GABRG2: variants seen among roughly 807,000 people sequenced by gnomAD.
GABRG2 encodes gamma-aminobutyric acid receptor subunit gamma-2.
A neutral mutation model predicts 56.4 loss-of-function variants in GABRG2; 16 were observed. The ratio of observed to expected loss-of-function variants is 0.28; its 90% CI spans 0.19 to 0.43. The LOEUF is 0.43. Ranked by LOEUF, GABRG2 falls within the 20% of genes least tolerant of loss-of-function variation. The pLI is 1.00. For synonymous variants in GABRG2, 208 were observed against 205.5 expected, an observed-to-expected ratio of 1.01 and a Z score of -0.10; for missense variants, 327 against 582.7, an observed-to-expected ratio of 0.56 and a Z score of 4.52.
intron 1 of GABRG2, among the ~76,000 whole-genome samples, chr5:162,076,037 A>G: frequency 6.6e-6 from 1 of 151,750 alleles, no homozygotes; most frequent in Admixed American, 6.6e-5. Flanking sequence ...CTGTGGTCCT[A>G]GCTTCTTGGG....
At chr5:162,117,969 GAACTGTA>G (rs1274216584) in intron 6 of GABRG2, among the ~76,000 whole-genome samples, 2 of 152,058 alleles carry the variant, frequency 1.3e-5, no homozygotes, top group Admixed American at 6.6e-5. Context: ...CGCTTCACTA[GAACTGTA>G]AACTTGCGAC....
chr5:162,145,952 C>T (rs1236175687), intron 7 of GABRG2, among the ~76,000 whole-genome samples: 5 of 151,116 alleles, frequency 3.3e-5, no homozygotes, highest in African/African-American at 7.4e-5. Flanking sequence ...AGAAATAGAA[C>T]TTTCTTTTCT....
chr5:162,075,201 G>A (rs996732924), intron 1 of GABRG2, among the ~76,000 whole-genome samples: 7 of 152,114 alleles, frequency 4.6e-5, no homozygotes, highest in African/African-American at 1.7e-4. Flanking sequence ...AGAATATGAT[G>A]TTTGTCATCT....
chr5:162,069,250 C>T (rs1655817251), intron 1 of GABRG2, among the ~76,000 whole-genome samples: 1 of 152,160 alleles, frequency 6.6e-6, no homozygotes, highest in African/African-American at 2.4e-5. Flanking sequence ...GTTAGAGGTC[C>T]ACTATTTACA....
chr5:162,127,743 A>C (rs1478898685), intron 6 of GABRG2, among the ~76,000 whole-genome samples: 2 of 152,036 alleles, frequency 1.3e-5, no homozygotes, highest in Admixed American at 1.3e-4. Context: ...GACAACTAGT[A>C]TATTATGCTT....
chr5:162,070,437 A>T (rs866914301), intron 1 of GABRG2, among the ~76,000 whole-genome samples: 2 of 152,048 alleles, frequency 1.3e-5, no homozygotes, highest in Non-Finnish European at 2.9e-5. Context: ...AATAACTGGG[A>T]AATATTTGAG....
At chr5:162,098,179 T>G (rs904392196) in intron 4 of GABRG2, 68 of 323,638 alleles carry the variant, frequency 2.1e-4, no homozygotes, top group African/African-American at 1.4e-3. Flanking sequence ...TGCACTCTTA[T>G]GCTTGGCAAT....
At chr5:162,087,923 C>A (rs1296511120) in intron 1 of GABRG2, among the ~76,000 whole-genome samples, 5 of 151,732 alleles carry the variant, frequency 3.3e-5, no homozygotes, top group Admixed American at 6.6e-5. Flanking sequence ...AGCCTAATAT[C>A]AAAAAAAATT....
chr5:162,072,769 A>T lies in GABRG2; in HGVS notation c.107+4663A>T, dbSNP rs569859286. Among the ~76,000 whole-genome samples, 3 of 152,070 alleles carry T rather than the reference A, an allele frequency of 2.0e-5. No homozygotes were observed. The East Asian group carries it at 5.8e-4, about 29-fold the overall frequency. On this transcript the variant is annotated intron_variant, in intron 1 of 9. Coordinates refer to ENST00000639213, the MANE Select transcript of GABRG2 (RefSeq NM_198904.4). ...ATTTATCATCAACCACATTTGAGAG[A>T]CTAGGAAACCAAGATTATAGATAGA...
intron 1 of GABRG2, among the ~76,000 whole-genome samples, chr5:162,077,884 G>A (rs1759269263): frequency 6.6e-6 from 1 of 152,090 alleles, no homozygotes; most frequent in African/African-American, 2.4e-5. Flanking sequence ...TCTACATGGG[G>A]TTGGAGAGTT....
chr5:162,081,666 A>G (rs1055715016), intron 1 of GABRG2, among the ~76,000 whole-genome samples: 8 of 152,028 alleles, frequency 5.3e-5, no homozygotes, highest in African/African-American at 1.7e-4. Flanking sequence ...GAGGTTCAAC[A>G]TCATTAGCCA....
chr5:162,106,046 T>C (rs1761804225), intron 6 of GABRG2, among the ~76,000 whole-genome samples: 2 of 152,102 alleles, frequency 1.3e-5, no homozygotes, highest in African/African-American at 4.8e-5. Context: ...GGGTTGATTT[T>C]ACATCACAGA....
chr5:162,151,836 T>C (rs756797108), intron 9 of GABRG2, 83 bp downstream of exon 9: 10 of 1,237,158 alleles, frequency 8.1e-6, no homozygotes, highest in Admixed American at 3.5e-5. Context: ...TTATTTTGTT[T>C]TATGAGTAGA....
chr5:162,148,421 T>G (rs770475438), intron 7 of GABRG2, among the ~76,000 whole-genome samples: 21 of 144,480 alleles, frequency 1.5e-4, no homozygotes, highest in Non-Finnish European at 3.0e-4. Flanking sequence ...GATACTTATT[T>G]TAATCCTATA....
intron 6 of GABRG2, among the ~76,000 whole-genome samples, chr5:162,126,694 A>G (rs991653867): frequency 6.6e-6 from 1 of 151,934 alleles, no homozygotes; most frequent in Admixed American, 6.6e-5. Flanking sequence ...CTGGCAGTCA[A>G]CATTATAGCC....
intron 6 of GABRG2, among the ~76,000 whole-genome samples, chr5:162,110,525 C>A (rs1374805527): frequency 6.6e-6 from 1 of 151,742 alleles, no homozygotes; most frequent in Non-Finnish European, 1.5e-5. Flanking sequence ...AGGAGACATG[C>A]GTAAAACTTG....
At chr5:162,131,842 T>TACTTACC (rs1351609476) in intron 6 of GABRG2, among the ~76,000 whole-genome samples, 2 of 151,746 alleles carry the variant, frequency 1.3e-5, no homozygotes, top group Admixed American at 1.3e-4. Context: ...TTGGTAAGCC[T>TACTTACC]TGGATTTAGG....
At chr5:162,133,150 G>GA (rs960322165) in intron 6 of GABRG2, among the ~76,000 whole-genome samples, 79 of 150,406 alleles carry the variant, frequency 5.3e-4, no homozygotes, top group Non-Finnish European at 7.9e-4. Flanking sequence ...TTTAACAAAG[G>GA]AAAAAAAAAT....
chr5:162,128,825 T>G (rs1227385785), intron 6 of GABRG2, among the ~76,000 whole-genome samples: 1 of 151,968 alleles, frequency 6.6e-6, no homozygotes, highest in African/African-American at 2.4e-5. Context: ...GTGCATGTCT[T>G]TTAATGGAAT....
Sources: gnomAD v4.1 joint callset for allele counts (sites outside exome capture counted in the v4.1 genomes callset) on GRCh38, gnomAD v4.1.1 for gene constraint, MANE v1.5 for transcripts, NCBI Gene and HGNC (gene_info 2026-07-23, HGNC 2026-07-21) for gene names.